Variants in ARHGAP42 observed in about 807,000 individuals in gnomAD.
ARHGAP42 encodes Rho GTPase activating protein 42.
ARHGAP42 carries 63 observed loss-of-function variants against 125.0 expected under a neutral mutation model. The ratio of observed to expected loss-of-function variants is 0.50; its 90% CI spans 0.41 to 0.62. ARHGAP42 has a LOEUF of 0.62. Among genes scored for constraint, ARHGAP42 ranks in the 20% least tolerant of loss-of-function variants. The pLI, the probability that ARHGAP42 is intolerant of heterozygous loss-of-function variation, is 0.00. For missense variants in ARHGAP42, 766 were observed against 1,024.2 expected (o/e 0.75, Z 3.44); for synonymous variants, 339 against 351.0 (o/e 0.97, Z 0.38).
chr11:100,715,001 A>G (rs976872530), intron 1 of ARHGAP42, among the ~76,000 whole-genome samples: 1 of 131,154 alleles, frequency 7.6e-6, no homozygotes, highest in African/African-American at 2.9e-5. Context: ...GTGAGCTGTG[A>G]TTGCACCACT....
chr11:100,985,986 T>C (rs1200625535), intron 22 of ARHGAP42: 1 of 455,284 alleles, frequency 2.2e-6, no homozygotes, highest in South Asian at 1.6e-5. Context: ...CCAAGGAGGA[T>C]AGATAAGGTG....
At chr11:100,949,584 G>T (rs608689) in intron 11 of ARHGAP42, among the ~76,000 whole-genome samples, 4 of 151,862 alleles carry the variant, frequency 2.6e-5, no homozygotes, top group African/African-American at 9.7e-5. Flanking sequence ...ATTGGAAGAA[G>T]GAGCAATTCC....
intron 3 of ARHGAP42, among the ~76,000 whole-genome samples, chr11:100,847,435 A>G (rs1865098151): frequency 6.6e-6 from 1 of 152,178 alleles, no homozygotes; most frequent in Admixed American, 6.5e-5. Flanking sequence ...TTAGGAGGTA[A>G]GGAGATGCCT....
intron 4 of ARHGAP42, among the ~76,000 whole-genome samples, chr11:100,882,392 C>T (rs1277302884): frequency 2.6e-5 from 4 of 151,756 alleles, no homozygotes; most frequent in Non-Finnish European, 2.9e-5. Context: ...TGGTGTATCA[C>T]ATTTATTGAC....
At chr11:100,700,570 A>G (rs1461630377) in intron 1 of ARHGAP42, among the ~76,000 whole-genome samples, 4 of 152,208 alleles carry the variant, frequency 2.6e-5, no homozygotes. Flanking sequence ...TCATTTTAGC[A>G]GTGTTCACCG....
chr11:100,903,558 C>T (rs1005667263), intron 4 of ARHGAP42, among the ~76,000 whole-genome samples: 1 of 151,232 alleles, frequency 6.6e-6, no homozygotes, highest in Non-Finnish European at 1.5e-5. Context: ...ATGTCAGAGC[C>T]ATCAGCTTCT....
intron 3 of ARHGAP42, among the ~76,000 whole-genome samples, chr11:100,859,208 G>C (rs1865388915): frequency 6.6e-6 from 1 of 151,918 alleles, no homozygotes; most frequent in South Asian, 2.1e-4. Flanking sequence ...TGCTTGAACT[G>C]GCTACATTAA....
intron 2 of ARHGAP42, among the ~76,000 whole-genome samples, chr11:100,771,748 G>A (rs1336146612): frequency 3.9e-5 from 6 of 151,966 alleles, no homozygotes; most frequent in African/African-American, 7.3e-5. Context: ...ACAGGCACCC[G>A]CCACCATGCC....
intron 3 of ARHGAP42, among the ~76,000 whole-genome samples, chr11:100,835,569 A>G (rs1435534881): frequency 1.3e-5 from 2 of 152,090 alleles, no homozygotes; most frequent in East Asian, 3.9e-4. Flanking sequence ...AGACACACCA[A>G]AGGTGTTTGT....
At chr11:100,942,446 T>C (rs564805550) in intron 9 of ARHGAP42, among the ~76,000 whole-genome samples, 2 of 152,290 alleles carry the variant, frequency 1.3e-5, no homozygotes, top group East Asian at 3.9e-4. Context: ...TGTACTTTGT[T>C]TGAGGAAATG....
intron 2 of ARHGAP42, among the ~76,000 whole-genome samples, chr11:100,786,429 G>A (rs886957450): frequency 2.0e-5 from 3 of 152,158 alleles, no homozygotes; most frequent in Non-Finnish European, 4.4e-5. Context: ...ATTAAGTTTT[G>A]AAATTGTGTG....
At chr11:100,905,748 G>T (rs1299086815) in intron 4 of ARHGAP42, among the ~76,000 whole-genome samples, 1 of 152,078 alleles carries the variant, frequency 6.6e-6, no homozygotes, top group Non-Finnish European at 1.5e-5. Context: ...AGGTCGAGGC[G>T]GGTGGTTCAC....
At chr11:100,919,122 G>A (rs1867163360) in intron 5 of ARHGAP42, among the ~76,000 whole-genome samples, 1 of 43,928 alleles carries the variant, frequency 2.3e-5, no homozygotes. Flanking sequence ...GACACTCAGA[G>A]CATGCTCAAT....
At chr11:100,806,748 T>G (rs1863999860) in intron 3 of ARHGAP42, among the ~76,000 whole-genome samples, 1 of 152,316 alleles carries the variant, frequency 6.6e-6, no homozygotes, top group East Asian at 1.9e-4. Flanking sequence ...CATATACAGT[T>G]TATCATAACT....
At chr11:100,889,485 C>G (rs1352756767) in intron 4 of ARHGAP42, among the ~76,000 whole-genome samples, 1 of 152,162 alleles carries the variant, frequency 6.6e-6, no homozygotes, top group Non-Finnish European at 1.5e-5. Flanking sequence ...CTGCCTTCAT[C>G]TTGGACTTCT....
chr11:100,817,643 A>C (rs1396127075), intron 3 of ARHGAP42, among the ~76,000 whole-genome samples: 1 of 152,204 alleles, frequency 6.6e-6, no homozygotes, highest in African/African-American at 2.4e-5. Flanking sequence ...TCTCCGTATA[A>C]GCCAGACATT....
At chr11:100,769,645 A>T (rs1862921727) in intron 1 of ARHGAP42, among the ~76,000 whole-genome samples, 1 of 142,638 alleles carries the variant, frequency 7.0e-6, no homozygotes, top group Non-Finnish European at 1.5e-5. Context: ...GCAGAATATT[A>T]TTGGTGACTT....
At chr11:100,688,129 A>T (rs1861121948) in intron 1 of ARHGAP42, among the ~76,000 whole-genome samples, 1 of 148,252 alleles carries the variant, frequency 6.7e-6, no homozygotes. Flanking sequence ...GGGGACTTTA[A>T]TTTTTTTTTT....
intron 3 of ARHGAP42, among the ~76,000 whole-genome samples, chr11:100,797,266 G>A (rs984561003): frequency 6.6e-6 from 1 of 152,208 alleles, no homozygotes; most frequent in African/African-American, 2.4e-5. Flanking sequence ...CGTAGATGAA[G>A]GTGGCTATAC....
Sources: allele counts gnomAD v4.1 joint callset (sites outside exome capture counted in the v4.1 genomes callset), GRCh38; gene constraint gnomAD v4.1.1; transcripts MANE v1.5; gene names NCBI Gene and HGNC (gene_info 2026-07-23, HGNC 2026-07-21).